Variants in NAALADL2 observed in about 807,000 individuals in gnomAD.
The protein encoded by NAALADL2 is N-acetylated alpha-linked acidic dipeptidase like 2.
NAALADL2 carries 76 observed loss-of-function variants against 87.2 expected under a neutral mutation model. The ratio of observed to expected loss-of-function variants is 0.87; its 90% CI spans 0.72 to 1.05. NAALADL2 has a LOEUF of 1.05. Among genes scored for constraint, NAALADL2 ranks in the 50% least tolerant of loss-of-function variants. The pLI is 0.00. For missense variants in NAALADL2, 1,089 were observed against 945.8 expected (o/e 1.15, Z -1.99); for synonymous variants, 354 against 331.0 (o/e 1.07, Z -0.75).
chr3:175,108,546 G>A (rs1723632221), intron 2 of NAALADL2, among the ~76,000 whole-genome samples: 1 of 151,830 alleles, frequency 6.6e-6, no homozygotes, highest in Admixed American at 6.6e-5. Flanking sequence ...AAGTGTGGGT[G>A]TTTTCTCTCT....
chr3:175,587,170 C>G (rs555924486), intron 10 of NAALADL2, among the ~76,000 whole-genome samples: 1 of 152,146 alleles, frequency 6.6e-6, no homozygotes, highest in African/African-American at 2.4e-5. Context: ...TATTTTTATT[C>G]ATTACTCTAT....
chr3:175,333,702 G>C (rs1039494997), intron 5 of NAALADL2, among the ~76,000 whole-genome samples: 8 of 152,030 alleles, frequency 5.3e-5, no homozygotes, highest in African/African-American at 1.7e-4. Context: ...GGGATGAAGA[G>C]AGGTTGGTCA....
At chr3:175,758,965 T>G (rs1039215642) in intron 13 of NAALADL2, among the ~76,000 whole-genome samples, 3 of 152,178 alleles carry the variant, frequency 2.0e-5, no homozygotes, top group African/African-American at 4.8e-5. Context: ...ATACTTCATT[T>G]TGTATTTAGA....
chr3:175,436,535 T>C (rs1185834097), intron 5 of NAALADL2, among the ~76,000 whole-genome samples: 1 of 146,440 alleles, frequency 6.8e-6, no homozygotes, highest in Non-Finnish European at 1.5e-5. Context: ...TTTTTAATGA[T>C]TGCCATTCTA....
intron 5 of NAALADL2, among the ~76,000 whole-genome samples, chr3:175,387,206 A>G (rs1768497697): frequency 6.6e-6 from 1 of 152,138 alleles, no homozygotes. Flanking sequence ...AATTGACTGC[A>G]GTAGTGTTCA....
chr3:174,600,715 A>T (rs942977587), intron 2 of NAALADL2, among the ~76,000 whole-genome samples: 28 of 152,212 alleles, frequency 1.8e-4, no homozygotes, highest in Admixed American at 1.8e-3. Context: ...TTAAGTCATG[A>T]CAGATAAGAA....
chr3:175,729,223 A>G (rs1743340526), intron 11 of NAALADL2, among the ~76,000 whole-genome samples: 1 of 152,196 alleles, frequency 6.6e-6, no homozygotes, highest in South Asian at 2.1e-4. Context: ...TAAGGAGAGC[A>G]CCTATCTTTT....
intron 1 of NAALADL2, among the ~76,000 whole-genome samples, chr3:175,049,568 A>G (rs527728799): frequency 1.3e-5 from 2 of 152,310 alleles, no homozygotes; most frequent in Non-Finnish European, 2.9e-5. Context: ...TTGAGACTGT[A>G]GCACCATGGC....
At chr3:175,099,440 A>C (rs928229391) in intron 2 of NAALADL2, among the ~76,000 whole-genome samples, 2 of 152,194 alleles carry the variant, frequency 1.3e-5, no homozygotes, top group Non-Finnish European at 2.9e-5. Context: ...TTGAGATAAC[A>C]TACTTTCTTC....
intron 11 of NAALADL2, among the ~76,000 whole-genome samples, chr3:175,709,575 T>G (rs1740238024): frequency 6.6e-6 from 1 of 152,126 alleles, no homozygotes; most frequent in South Asian, 2.1e-4. Flanking sequence ...TAGGCTTATA[T>G]GAACCTAAAG....
At chr3:174,637,993 A>C (rs144159700) in intron 2 of NAALADL2, among the ~76,000 whole-genome samples, 5 of 152,300 alleles carry the variant, frequency 3.3e-5, no homozygotes, top group Non-Finnish European at 5.9e-5. Context: ...ATATTTATTT[A>C]AAATAAAGAA....
At chr3:175,592,752 G>A (rs189072341) in intron 10 of NAALADL2, among the ~76,000 whole-genome samples, 1 of 113,904 alleles carries the variant, frequency 8.8e-6, no homozygotes, top group South Asian at 3.6e-4. Flanking sequence ...GGTGGGGGGA[G>A]GGGTGAGGGA....
At chr3:174,544,637 G>A (rs1288421961) in intron 1 of NAALADL2, among the ~76,000 whole-genome samples, 1 of 145,574 alleles carries the variant, frequency 6.9e-6, no homozygotes, top group African/African-American at 2.5e-5. Flanking sequence ...TGCAATCTTG[G>A]CTCACTCACT....
chr3:174,946,622 T>C (rs1430458877), intron 1 of NAALADL2, among the ~76,000 whole-genome samples: 2 of 152,188 alleles, frequency 1.3e-5, no homozygotes, highest in African/African-American at 4.8e-5. Context: ...TTGAAACATT[T>C]TTGTGATTCT....
intron 11 of NAALADL2, among the ~76,000 whole-genome samples, chr3:175,686,326 C>A (rs1180830694): frequency 6.6e-6 from 1 of 152,086 alleles, no homozygotes; most frequent in Non-Finnish European, 1.5e-5. Flanking sequence ...TTTATAGATA[C>A]AGACCGTCTT....
chr3:175,577,902 T>TA (rs1373171049), intron 10 of NAALADL2, among the ~76,000 whole-genome samples: 2 of 151,996 alleles, frequency 1.3e-5, no homozygotes, highest in African/African-American at 4.8e-5. Flanking sequence ...TTTTAAATAT[T>TA]AAAAAAAGGC....
chr3:175,137,047 T>C (rs1729217734), intron 2 of NAALADL2, among the ~76,000 whole-genome samples: 1 of 152,152 alleles, frequency 6.6e-6, no homozygotes, highest in Non-Finnish European at 1.5e-5. Context: ...TTTGTTGAAA[T>C]TGACCCCTTA....
chr3:174,824,104 G>A (rs1226246631), intron 3 of NAALADL2, among the ~76,000 whole-genome samples: 1 of 152,128 alleles, frequency 6.6e-6, no homozygotes, highest in Non-Finnish European at 1.5e-5. Flanking sequence ...AAGGGAAATT[G>A]AGTTTCATAA....
chr3:174,707,194 A>G (rs1004886619), intron 2 of NAALADL2, among the ~76,000 whole-genome samples: 12 of 152,218 alleles, frequency 7.9e-5, no homozygotes, highest in Middle Eastern at 3.4e-3. Flanking sequence ...TACACTGTTG[A>G]TGGGACTGTA....
Sources: gnomAD v4.1 joint callset for allele counts (sites outside exome capture counted in the v4.1 genomes callset) on GRCh38, gnomAD v4.1.1 for gene constraint, MANE v1.5 for transcripts, NCBI Gene and HGNC (gene_info 2026-07-23, HGNC 2026-07-21) for gene names.